The following SHANK2 variants were observed in gnomAD, a reference collection of about 807,000 sequenced individuals.
SHANK2 encodes the protein SH3 and multiple ankyrin repeat domains protein 2.
SHANK2 carries 43 observed loss-of-function variants against 133.7 expected under a neutral mutation model. The observed-to-expected ratio is 0.32, with a 90% CI of 0.25 to 0.41. The LOEUF (loss-of-function observed/expected upper bound fraction) is 0.41, where lower values mean the gene tolerates loss of function less well. Among genes scored for constraint, SHANK2 ranks in the 10% least tolerant of loss-of-function variants. The pLI is 1.00. For missense variants in SHANK2, 1,994 were observed against 2,235.8 expected (o/e 0.89, Z 2.18); for synonymous variants, 1,017 against 952.8 (o/e 1.07, Z -1.24).
chr11:70,647,221 T>C (rs1434051500), intron 17 of SHANK2: 2 of 152,216 alleles, frequency 1.3e-5, no homozygotes, highest in Non-Finnish European at 2.9e-5. Flanking sequence ...CCAACTTTTA[T>C]CATCTGTATG....
intron 6 of SHANK2, among the ~76,000 whole-genome samples, chr11:71,095,021 G>A (rs1378495074): frequency 6.6e-6 from 1 of 152,236 alleles, no homozygotes; most frequent in Non-Finnish European, 1.5e-5. Context: ...CCATCTGGGT[G>A]CTTCCCGTAC....
chr11:70,552,228 T>C (rs1591570619), intron 17 of SHANK2, among the ~76,000 whole-genome samples: 1 of 152,128 alleles, frequency 6.6e-6, no homozygotes, highest in East Asian at 1.9e-4. Flanking sequence ...CCAGGCTGCC[T>C]GCGAACAAAC....
intron 17 of SHANK2, among the ~76,000 whole-genome samples, chr11:70,565,191 T>C (rs1237299309): frequency 4.6e-5 from 7 of 151,398 alleles, no homozygotes; most frequent in Non-Finnish European, 1.0e-4. Context: ...GTTCTGGGTG[T>C]AGTTAAGTCA....
chr11:71,086,139 ATAT>A (rs1951406507), intron 8 of SHANK2, among the ~76,000 whole-genome samples: 1 of 14,422 alleles, frequency 6.9e-5, no homozygotes, highest in Non-Finnish European at 1.7e-4. Flanking sequence ...ATTATATAAT[ATAT>A]TATGTTATAT....
At chr11:71,067,884 TCAC>T (rs1951087798) in intron 9 of SHANK2, among the ~76,000 whole-genome samples, 2 of 150,454 alleles carry the variant, frequency 1.3e-5, no homozygotes, top group East Asian at 2.0e-4. Context: ...ACCACCATCA[TCAC>T]CACCACCACT....
rs1158138898 is a variant in SHANK2 at position 70,498,976 on chromosome 11, G to A, written c.2308+1594C>T. ...AGGTCCCATTCACAGAACTTTGGGG[G>A]TCACTTTTCAACCCAATACAACTGT... is the stretch of plus-strand genomic sequence containing the variant. On this transcript the variant is annotated intron_variant, in intron 21 of 25. Transcript: ENST00000601538. 3.9e-5 allele frequency among the ~76,000 whole-genome samples: 6 copies of A among 152,160 alleles called. No homozygotes were observed. The East Asian group carries it at 1.2e-3, about 29-fold the overall frequency.
intron 2 of SHANK2, among the ~76,000 whole-genome samples, chr11:71,212,056 A>G (rs782708658): frequency 1.3e-5 from 2 of 152,212 alleles, no homozygotes; most frequent in Non-Finnish European, 2.9e-5. Context: ...ACCGTGTCGC[A>G]TGAAAAAATT....
chr11:70,887,179 C>A (rs1473271413), intron 11 of SHANK2, among the ~76,000 whole-genome samples: 1 of 152,238 alleles, frequency 6.6e-6, no homozygotes, highest in Admixed American at 6.5e-5. Context: ...TTGGGATCTC[C>A]ATCCCACAGA....
intron 11 of SHANK2, among the ~76,000 whole-genome samples, chr11:70,845,138 G>T (rs1555062819): frequency 1.4e-5 from 2 of 142,446 alleles, no homozygotes; most frequent in Non-Finnish European, 3.0e-5. Flanking sequence ...GGCAGAGGTT[G>T]CAGTGAGCCA....
chr11:70,779,871 T>G (rs1446348654), intron 14 of SHANK2, among the ~76,000 whole-genome samples: 9 of 152,184 alleles, frequency 5.9e-5, no homozygotes, highest in Non-Finnish European at 1.2e-4. Context: ...ACCCGGCCAG[T>G]CACCCTTGCT....
At chr11:71,113,048 A>T (rs369831676) in intron 5 of SHANK2, among the ~76,000 whole-genome samples, 4 of 152,154 alleles carry the variant, frequency 2.6e-5, no homozygotes, top group Non-Finnish European at 5.9e-5. Context: ...TGGAGCAGCC[A>T]GTAGGATCTG....
chr11:70,852,011 C>T (rs966156500), intron 11 of SHANK2, among the ~76,000 whole-genome samples: 9 of 152,210 alleles, frequency 5.9e-5, no homozygotes, highest in East Asian at 1.9e-4. Context: ...TCCTGAAAGC[C>T]GTGAAAATAA....
intron 17 of SHANK2, among the ~76,000 whole-genome samples, chr11:70,539,769 C>T (rs945824266): frequency 5.9e-5 from 9 of 152,160 alleles, no homozygotes; most frequent in South Asian, 2.1e-4. Context: ...GTGCGCTTCT[C>T]TCCCGGGGGG....
intron 11 of SHANK2, among the ~76,000 whole-genome samples, chr11:70,888,631 A>T (rs368308033): frequency 1.3e-5 from 2 of 152,104 alleles, no homozygotes; most frequent in African/African-American, 4.8e-5. Context: ...AGCCTGACCA[A>T]CATGGTGAAA....
intron 3 of SHANK2, among the ~76,000 whole-genome samples, chr11:71,135,347 C>A (rs1952415784): frequency 6.6e-6 from 1 of 152,166 alleles, no homozygotes; most frequent in South Asian, 2.1e-4. Flanking sequence ...CAGCTGCCCC[C>A]CAGGCGCTTA....
chr11:71,145,728 G>A (rs1952630174), intron 3 of SHANK2, among the ~76,000 whole-genome samples: 1 of 152,206 alleles, frequency 6.6e-6, no homozygotes, highest in African/African-American at 2.4e-5. Context: ...CACTCAGCCA[G>A]TAGGCAGCAT....
chr11:70,678,101 A>G (rs1555017636), intron 15 of SHANK2, among the ~76,000 whole-genome samples: 4 of 151,954 alleles, frequency 2.6e-5, no homozygotes, highest in Non-Finnish European at 4.4e-5. Context: ...ATTCTCCAGG[A>G]CTTCCTGATT....
chr11:71,107,891 C>A (rs1240296792), intron 6 of SHANK2, among the ~76,000 whole-genome samples: 1 of 152,178 alleles, frequency 6.6e-6, no homozygotes, highest in African/African-American at 2.4e-5. Context: ...AAGAGAGGTG[C>A]AGAGCAGCTC....
At chr11:71,134,279 G>A (rs1468616978) in intron 3 of SHANK2, among the ~76,000 whole-genome samples, 1 of 151,608 alleles carries the variant, frequency 6.6e-6, no homozygotes. Flanking sequence ...GAGGGGGAAA[G>A]GGGAAGTGAC....
Sources: allele counts gnomAD v4.1 joint callset (sites outside exome capture counted in the v4.1 genomes callset), GRCh38; gene constraint gnomAD v4.1.1; transcripts MANE v1.5; gene names NCBI Gene and HGNC (gene_info 2026-07-23, HGNC 2026-07-21).